Variants in POLA1 observed in about 807,000 individuals in gnomAD.
POLA1 encodes the protein DNA polymerase alpha 1, catalytic subunit, also known as DNA polymerase alpha catalytic subunit.
A neutral mutation model predicts 124.0 loss-of-function variants in POLA1; 15 were observed. That is an observed-to-expected ratio of 0.12 (90% CI 0.08 to 0.19). The LOEUF (loss-of-function observed/expected upper bound fraction) is 0.19, where lower values mean the gene tolerates loss of function less well. POLA1 is among the 10% of genes least tolerant of loss of function. The probability of loss-of-function intolerance (pLI) is 1.00; values close to 1 mark genes in which losing one functional copy is unlikely to be tolerated. For missense variants in POLA1, 886 were observed against 1,103.4 expected, an observed-to-expected ratio of 0.80 and a Z score of 2.79; for synonymous variants, 408 against 389.4, an observed-to-expected ratio of 1.05 and a Z score of -0.56.
intron 35 of POLA1, among the ~76,000 whole-genome samples, chrX:24,889,737 T>A (rs758745545): frequency 1.8e-5 from 2 of 112,379 alleles, no homozygotes; most frequent in Non-Finnish European, 3.7e-5. Context: ...CAGGCTGGAA[T>A]GCAATGGCTA....
intron 5 of POLA1, among the ~76,000 whole-genome samples, chrX:24,714,897 T>A (rs931290119): frequency 2.7e-5 from 3 of 112,010 alleles, no homozygotes; most frequent in African/African-American, 9.7e-5. Flanking sequence ...GTGTTTAATT[T>A]TAGTGAGTAG....
intron 2 of POLA1, among the ~76,000 whole-genome samples, chrX:24,700,381 C>G (rs566578689): frequency 2.7e-5 from 3 of 111,665 alleles, no homozygotes; most frequent in East Asian, 5.7e-4. Context: ...AGTCTGGCTT[C>G]AGAATATTTC....
chrX:24,984,663 T>A (rs1319332662), intron 36 of POLA1, among the ~76,000 whole-genome samples: 2 of 99,069 alleles, frequency 2.0e-5, no homozygotes, highest in Non-Finnish European at 4.1e-5. Flanking sequence ...ACTTTTTTTT[T>A]TTTTTTTTTT....
intron 34 of POLA1, among the ~76,000 whole-genome samples, chrX:24,869,976 A>G (rs144280827): frequency 2.6e-3 from 293 of 112,265 alleles, no homozygotes; most frequent in Non-Finnish European, 4.8e-3. Context: ...GATTCATACA[A>G]ATATGTACAA....
intron 26 of POLA1, among the ~76,000 whole-genome samples, chrX:24,774,291 G>C (rs1428171994): frequency 9.0e-6 from 1 of 111,524 alleles, no homozygotes; most frequent in African/African-American, 3.3e-5. Flanking sequence ...TTACAGCCCA[G>C]CTTAGTGTCC....
intron 2 of POLA1, among the ~76,000 whole-genome samples, chrX:24,700,567 G>A (rs1427982250): frequency 8.9e-6 from 1 of 111,989 alleles, no homozygotes; most frequent in Non-Finnish European, 1.9e-5. Context: ...GGAGTGCAAT[G>A]GCACGATCTT....
At chrX:24,859,858 T>C (rs974099525) in intron 34 of POLA1, among the ~76,000 whole-genome samples, 1 of 112,959 alleles carries the variant, frequency 8.9e-6, no homozygotes, top group African/African-American at 3.2e-5. Flanking sequence ...TCACAGCCAG[T>C]GGATGGCATT....
intron 34 of POLA1, among the ~76,000 whole-genome samples, chrX:24,870,467 A>G (rs1031847858): frequency 8.9e-6 from 1 of 111,774 alleles, no homozygotes; most frequent in Non-Finnish European, 1.9e-5. Flanking sequence ...GCTGGCTTCT[A>G]ATGTGCAAGG....
intron 26 of POLA1, among the ~76,000 whole-genome samples, chrX:24,767,233 C>CTAT (rs1198800404): frequency 8.9e-6 from 1 of 111,993 alleles, no homozygotes; most frequent in Admixed American, 9.5e-5. Flanking sequence ...TTGAAGTTAG[C>CTAT]TATTGGAGGA....
At chrX:24,833,783 A>G (rs1029912033) in intron 32 of POLA1, among the ~76,000 whole-genome samples, 2 of 112,345 alleles carry the variant, frequency 1.8e-5, no homozygotes, top group Non-Finnish European at 3.8e-5. Flanking sequence ...ATCTTTTCTC[A>G]GGTTTAAAAA....
chrX:24,830,396 A>G (rs1297123558), intron 32 of POLA1, among the ~76,000 whole-genome samples: 4 of 111,814 alleles, frequency 3.6e-5, no homozygotes, highest in African/African-American at 9.8e-5. Flanking sequence ...AGCCTATTAA[A>G]TGAGTGAATG....
intron 34 of POLA1, among the ~76,000 whole-genome samples, chrX:24,874,193 C>A (rs1365700162): frequency 4.5e-5 from 5 of 112,193 alleles, no homozygotes; most frequent in Admixed American, 9.5e-5. Context: ...TATATCATTT[C>A]TTATTACTTG....
intron 15 of POLA1, among the ~76,000 whole-genome samples, chrX:24,730,775 A>T (rs1602295363): frequency 8.9e-6 from 1 of 112,504 alleles, no homozygotes; most frequent in African/African-American, 3.2e-5. Context: ...AACACATCAG[A>T]TCCATGAGTT....
chrX:24,877,787 A>G (rs1202567268), intron 34 of POLA1, among the ~76,000 whole-genome samples: 1 of 111,977 alleles, frequency 8.9e-6, no homozygotes, highest in African/African-American at 3.2e-5. Flanking sequence ...CAGAAAATAT[A>G]TAATCCTACA....
intron 34 of POLA1, among the ~76,000 whole-genome samples, chrX:24,878,657 A>G (rs2046965119): frequency 9.1e-6 from 1 of 110,386 alleles, no homozygotes; most frequent in African/African-American, 3.3e-5. Flanking sequence ...TACTACTAAT[A>G]CATACCCTGT....
intron 20 of POLA1, among the ~76,000 whole-genome samples, chrX:24,739,856 G>A (rs900720742): frequency 8.9e-6 from 1 of 111,990 alleles, no homozygotes; most frequent in Non-Finnish European, 1.9e-5. Context: ...TAAAAACTGA[G>A]CAATCATTAA....
At chrX:24,725,928 T>C (rs775358777) in intron 12 of POLA1, 53 bp from the exon 13 acceptor site, 142 of 725,753 alleles carry the variant, frequency 2.0e-4, no homozygotes, top group Non-Finnish European at 2.8e-4. Flanking sequence ...GTAATACTGG[T>C]TAGTTTGTGA....
chrX:24,967,142 C>T (rs777146813), intron 36 of POLA1, among the ~76,000 whole-genome samples: 1 of 109,701 alleles, frequency 9.1e-6, no homozygotes, highest in Non-Finnish European at 1.9e-5. Context: ...GTGGGTGATA[C>T]GTTCCGGTTC....
chrX:24,894,322 A>G (rs764374734), intron 35 of POLA1, among the ~76,000 whole-genome samples: 5 of 112,495 alleles, frequency 4.4e-5, no homozygotes, highest in East Asian at 2.8e-4. Context: ...CATTCTCTAA[A>G]TTAAAATGCC....
Sources: allele counts gnomAD v4.1 joint callset (sites outside exome capture counted in the v4.1 genomes callset), GRCh38; gene constraint gnomAD v4.1.1; transcripts MANE v1.5; gene names NCBI Gene and HGNC (gene_info 2026-07-23, HGNC 2026-07-21).